The following TLE4 variants were observed in gnomAD, a reference collection of about 807,000 sequenced individuals.
TLE4 encodes transducin-like enhancer protein 4.
TLE4 carries 8 observed loss-of-function variants against 92.8 expected under a neutral mutation model. The observed-to-expected ratio is 0.09, with a 90% confidence interval of 0.05 to 0.16. The LOEUF is 0.16. Among genes scored for constraint, TLE4 ranks in the 10% least tolerant of loss-of-function variants. The pLI is 1.00. For missense variants in TLE4, 675 were observed against 997.6 expected (o/e 0.68, Z 4.36); for synonymous variants, 371 against 374.1 (o/e 0.99, Z 0.10).
At chr9:79,660,508 G>A (rs1290510186) in intron 8 of TLE4, among the ~76,000 whole-genome samples, 1 of 152,150 alleles carries the variant, frequency 6.6e-6, no homozygotes, top group Non-Finnish European at 1.5e-5. Flanking sequence ...AACAAAATAA[G>A]ATGGTAATTT....
At chr9:79,676,559 CAAA>C (rs940889488) in intron 8 of TLE4, among the ~76,000 whole-genome samples, 2 of 152,094 alleles carry the variant, frequency 1.3e-5, no homozygotes, top group African/African-American at 4.8e-5. Context: ...GAAAGGAAAA[CAAA>C]GAAAAGTAGG....
At chr9:79,585,907 G>A (rs2040953371) in intron 4 of TLE4, among the ~76,000 whole-genome samples, 1 of 151,624 alleles carries the variant, frequency 6.6e-6, no homozygotes, top group Non-Finnish European at 1.5e-5. Flanking sequence ...CACTTAATTA[G>A]TAGGTGGTTT....
Position 79,725,078 on chromosome 9 carries a change from G to A in TLE4, c.2256G>A (p.Val752=), listed in dbSNP as rs767580842. Residue 752 remains valine, a synonymous_variant, in exon 20 of 20, where the codon GTG becomes GTA. Transcript: ENST00000376552. The stretch of plus-strand genomic sequence containing the variant: ...CGGTGCTTAGCTGTGACATCTCCGT[G>A]GACGACAAATACATTGTCACTGGCT... ...SSSVLSCDIS[V]DDKYIVTGSG... 2 of 1,613,794 alleles carry A rather than the reference G, an allele frequency of 1.2e-6. No homozygotes were observed. Among genetic ancestry groups the A allele is most frequent in the Admixed American group, 1.7e-5 (1 of 59,994 alleles).
intron 4 of TLE4, among the ~76,000 whole-genome samples, chr9:79,587,691 A>G (rs904406894): frequency 1.3e-5 from 2 of 152,290 alleles, no homozygotes; most frequent in Admixed American, 1.3e-4. Context: ...GTGTTTCACA[A>G]CCTAGAACCA....
chr9:79,713,400 T>C (rs1039149061), intron 14 of TLE4, among the ~76,000 whole-genome samples: 7 of 152,252 alleles, frequency 4.6e-5, no homozygotes, highest in African/African-American at 1.4e-4. Context: ...CAACTGTCTC[T>C]TATTCTCATC....
At chr9:79,573,565 A>T in intron 1 of TLE4, 124 bp from the exon 2 acceptor site, 1 of 862,488 alleles carries the variant, frequency 1.2e-6, no homozygotes, top group Non-Finnish European at 1.7e-6. Flanking sequence ...GGAGAGTTTT[A>T]ATCTCTCTTT....
chr9:79,709,799 C>T, intron 14 of TLE4, 100 bp downstream of exon 14: 1 of 885,312 alleles, frequency 1.1e-6, no homozygotes, highest in South Asian at 1.9e-5. Flanking sequence ...GGGGGAGTTC[C>T]CATGACTTGT....
At position 79,718,749 on chromosome 9, in the gene TLE4, T is replaced by G. The variant is rs760703392; in HGVS notation, c.1368T>G (p.Asp456Glu). 22 of 1,614,014 alleles carry G rather than the reference T, an allele frequency of 1.4e-5. No individual in the cohort carries two copies. The highest frequency in any genetic ancestry group is 1.8e-5 in the Non-Finnish European group (21 of 1,179,982). Residue 456 changes from aspartate to glutamate, a missense_variant, in exon 15 of 20, where the codon GAT becomes GAG. Physicochemically the swap from Asp to Glu is conservative, Grantham distance 45. Transcript: ENST00000376552. ...CATACTCCTTCCATGTTAGCGCAGATGGTCAGATGCAGCCTGTCCCTTTTC... is the reference window on the plus strand; with the variant it reads ...CATACTCCTTCCATGTTAGCGCAGAGGGTCAGATGCAGCCTGTCCCTTTTC... ...KPAYSFHVSA[D>E]GQMQPVPFPP...
At chr9:79,680,944 T>G (rs1296608270) in intron 8 of TLE4, among the ~76,000 whole-genome samples, 1 of 152,184 alleles carries the variant, frequency 6.6e-6, no homozygotes, top group African/African-American at 2.4e-5. Context: ...GATTTGCGTT[T>G]GTTGAACCAG....
chr9:79,701,050 A>G (rs1298412167), intron 8 of TLE4, among the ~76,000 whole-genome samples: 1 of 152,248 alleles, frequency 6.6e-6, no homozygotes, highest in Non-Finnish European at 1.5e-5. Context: ...TAGTAAAAGC[A>G]TGACTTTATC....
At chr9:79,686,009 C>T (rs903133785) in intron 8 of TLE4, among the ~76,000 whole-genome samples, 10 of 151,892 alleles carry the variant, frequency 6.6e-5, no homozygotes, top group African/African-American at 2.2e-4. Flanking sequence ...AATAAAAATA[C>T]AGCATGTACA....
At chr9:79,599,846 C>T (rs1417751381) in intron 4 of TLE4, among the ~76,000 whole-genome samples, 1 of 152,210 alleles carries the variant, frequency 6.6e-6, no homozygotes, top group African/African-American at 2.4e-5. Flanking sequence ...CCACCTCCTG[C>T]CCCAGGGCTC....
chr9:79,635,130 A>C (rs1444561323), intron 6 of TLE4, among the ~76,000 whole-genome samples: 1 of 152,158 alleles, frequency 6.6e-6, no homozygotes, highest in Non-Finnish European at 1.5e-5. Context: ...CTTTGTCTGC[A>C]CTTGGAATTA....
intron 4 of TLE4, among the ~76,000 whole-genome samples, chr9:79,584,054 ACG>A (rs2040422686): frequency 6.6e-6 from 1 of 152,242 alleles, no homozygotes; most frequent in African/African-American, 2.4e-5. Context: ...ACCAGAGTTC[ACG>A]CAGGTCAGCG....
In TLE4 at chr9:79,720,308, T is replaced by G. The variant is rs1224656432; in HGVS notation, c.1838+15T>G. ...ACCTTGGTGAGGTAGGTTAGCAGGA[T>G]CTGTTACCAGGTTGTGAGGAGGAGC... is the stretch of plus-strand genomic sequence containing the variant. On this transcript the variant is annotated intron_variant, in intron 16 of 19. Coordinates refer to ENST00000376552, the MANE Select transcript of TLE4 (RefSeq NM_007005.6). The G allele has an allele frequency of 6.2e-7, 1 of 1,603,260 alleles. No homozygotes were observed. Among genetic ancestry groups the G allele is most frequent in the East Asian group, 2.2e-5 (1 of 44,632 alleles).
chr9:79,592,118 TTTC>T (rs1564200345), intron 4 of TLE4, among the ~76,000 whole-genome samples: 4 of 151,700 alleles, frequency 2.6e-5, no homozygotes, highest in African/African-American at 9.7e-5. Flanking sequence ...TTCTTTCTTC[TTTC>T]TTCTTTCTTC....
intron 8 of TLE4, among the ~76,000 whole-genome samples, chr9:79,661,338 T>G (rs1255548854): frequency 6.6e-6 from 1 of 152,242 alleles, no homozygotes; most frequent in African/African-American, 2.4e-5. Flanking sequence ...TCTGCAACAC[T>G]TTCCTCTGTC....
intron 8 of TLE4, among the ~76,000 whole-genome samples, chr9:79,655,229 T>C (rs1340270853): frequency 2.0e-5 from 3 of 152,222 alleles, no homozygotes; most frequent in East Asian, 1.9e-4. Context: ...GTGTTACTTA[T>C]TGGTTAGAAG....
At chr9:79,658,923 T>C (rs1160033652) in intron 8 of TLE4, among the ~76,000 whole-genome samples, 2 of 152,150 alleles carry the variant, frequency 1.3e-5, no homozygotes, top group African/African-American at 4.8e-5. Context: ...TAATCAGCAA[T>C]CTGAGAAGAG....
Sources: gnomAD v4.1 joint callset for allele counts (sites outside exome capture counted in the v4.1 genomes callset) on GRCh38, gnomAD v4.1.1 for gene constraint, MANE v1.5 for transcripts, NCBI Gene and HGNC (gene_info 2026-07-23, HGNC 2026-07-21) for gene names.